DCAF1: variants seen among roughly 807,000 people sequenced by gnomAD.
DCAF1 encodes the protein DDB1 and CUL4 associated factor 1.
Under a neutral mutation model 128.0 loss-of-function variants are expected in DCAF1, and 15 were observed. The ratio of observed to expected loss-of-function variants is 0.12; its 90% CI spans 0.08 to 0.18. The LOEUF (loss-of-function observed/expected upper bound fraction) is 0.18, where lower values mean the gene tolerates loss of function less well. Ranked by LOEUF, DCAF1 falls within the 10% of genes least tolerant of loss-of-function variation. The pLI, the probability that DCAF1 is intolerant of heterozygous loss-of-function variation, is 1.00. For synonymous variants in DCAF1, 610 were observed against 603.0 expected (o/e 1.01, Z -0.17); for missense variants, 988 against 1,649.5 (o/e 0.60, Z 6.95).
intron 18 of DCAF1, among the ~76,000 whole-genome samples, chr3:51,416,276 C>T (rs782254074): frequency 6.6e-6 from 1 of 152,190 alleles, no homozygotes; most frequent in Non-Finnish European, 1.5e-5. Context: ...TTTTCCCTTG[C>T]CATTTCCTGT....
At chr3:51,401,295 C>G (rs1263678382) in intron 24 of DCAF1, among the ~76,000 whole-genome samples, 1 of 152,152 alleles carries the variant, frequency 6.6e-6, no homozygotes, top group Non-Finnish European at 1.5e-5. Flanking sequence ...GGCTTTCACC[C>G]TATCCTAAAA....
chr3:51,459,777 C>CA (rs2107997538), intron 6 of DCAF1, among the ~76,000 whole-genome samples: 1 of 152,236 alleles, frequency 6.6e-6, no homozygotes, highest in South Asian at 2.1e-4. Context: ...AAATGTAATC[C>CA]AGCATATAAA....
At chr3:51,498,230 C>T (rs544158835) in intron 1 of DCAF1, among the ~76,000 whole-genome samples, 4 of 148,476 alleles carry the variant, frequency 2.7e-5, no homozygotes, top group African/African-American at 9.9e-5. Flanking sequence ...CGTGGTGGCG[C>T]GTGCCTGTAG....
At chr3:51,444,877 G>T (rs551706851) in intron 6 of DCAF1, among the ~76,000 whole-genome samples, 1 of 150,602 alleles carries the variant, frequency 6.6e-6, no homozygotes. Context: ...GGGTTTCACC[G>T]TGTTAGCCAG....
At chr3:51,401,567 T>G (rs1553624961) in intron 24 of DCAF1, among the ~76,000 whole-genome samples, 3 of 152,226 alleles carry the variant, frequency 2.0e-5, no homozygotes, top group African/African-American at 7.2e-5. Context: ...TTCTCACAAC[T>G]GATAGAGTTA....
At chr3:51,488,053 C>T (rs537156997) in intron 2 of DCAF1, among the ~76,000 whole-genome samples, 133 of 151,762 alleles carry the variant, frequency 8.8e-4, no homozygotes, top group Middle Eastern at 3.4e-3. Flanking sequence ...TTAGTAGAGA[C>T]GGGGTTTCAC....
At chr3:51,497,622 G>A (rs1708374346) in intron 1 of DCAF1, among the ~76,000 whole-genome samples, 1 of 152,120 alleles carries the variant, frequency 6.6e-6, no homozygotes, top group South Asian at 2.1e-4. Context: ...TAAATTGACA[G>A]GCACAGTGGC....
At chr3:51,455,092 C>A (rs1000988956) in intron 6 of DCAF1, among the ~76,000 whole-genome samples, 2 of 152,224 alleles carry the variant, frequency 1.3e-5, no homozygotes, top group East Asian at 1.9e-4. Context: ...TTTGTTTGCC[C>A]ACCCCCAAAC....
At chr3:51,453,191 T>C (rs1702529598) in intron 6 of DCAF1, among the ~76,000 whole-genome samples, 1 of 152,186 alleles carries the variant, frequency 6.6e-6, no homozygotes. Flanking sequence ...ATAAATGATA[T>C]TGCAAATTAT....
Position 51,418,889 on chromosome 3 carries a change from AAG to A in DCAF1, c.3237-15_3237-14del, listed in dbSNP as rs782555439. 153 of 1,594,024 alleles carry A rather than the reference AAG, an allele frequency of 9.6e-5. No homozygotes were observed. In the South Asian group the frequency reaches 1.4e-3, roughly 15 times the overall value. On this transcript the variant is annotated splice_polypyrimidine_tract_variant and intron_variant, in intron 15 of 24. Coordinates refer to ENST00000684031, the MANE Select transcript of DCAF1 (RefSeq NM_001387579.1). ...AATAGGACGGAATCTAAGCAAAAAA[AAG>A]AGAGAATCACAGGCAAAGAATGTGC...
chr3:51,440,586 G>A (rs1351586814), intron 9 of DCAF1, among the ~76,000 whole-genome samples: 1 of 152,188 alleles, frequency 6.6e-6, no homozygotes, highest in African/African-American at 2.4e-5. Context: ...CTGGGTGACA[G>A]AGTGAGACCT....
chr3:51,422,736 T>G (rs1214898891), intron 13 of DCAF1, among the ~76,000 whole-genome samples: 2 of 152,166 alleles, frequency 1.3e-5, no homozygotes, highest in Non-Finnish European at 2.9e-5. Context: ...CTCAAAGTTT[T>G]GGTGAGAGTA....
chr3:51,484,365 TG>T (rs1437734069), intron 2 of DCAF1, among the ~76,000 whole-genome samples: 2 of 151,632 alleles, frequency 1.3e-5, no homozygotes, highest in Admixed American at 6.6e-5. Context: ...CCCAGCTACT[TG>T]GGAGGCTGAG....
chr3:51,416,859 T>C lies in DCAF1; in HGVS notation c.3531A>G (p.Thr1177=), dbSNP rs782185311. ...TACTGAACTCAACATAGTGATCTTC[T>C]GTGAAGGAATGCCTATGGACAAACA... ...KSVFDMKHSF[T]EDHYVEFSKH... The change falls in exon 18 of 25, where the codon ACA becomes ACG. Residue 1177 remains threonine, a synonymous_variant. Transcript: ENST00000684031. The C allele has an allele frequency of 1.5e-5, 24 of 1,608,514 alleles. No individual in the cohort carries two copies. Among genetic ancestry groups the C allele is most frequent in the African/African-American group, 8.0e-5 (6 of 74,860 alleles).
At chr3:51,477,615 AAAC>A (rs1705637886) in intron 3 of DCAF1, among the ~76,000 whole-genome samples, 1 of 152,100 alleles carries the variant, frequency 6.6e-6, no homozygotes, top group South Asian at 2.1e-4. Flanking sequence ...GGGGAAAAAA[AAAC>A]AACACCGGAA....
At chr3:51,496,376 G>A (rs1203783334) in intron 2 of DCAF1, among the ~76,000 whole-genome samples, 3 of 152,080 alleles carry the variant, frequency 2.0e-5, no homozygotes, top group East Asian at 1.9e-4. Context: ...GCAGTGAGCC[G>A]AGATCGCGCC....
chr3:51,463,835 C>T (rs1703859268), intron 5 of DCAF1, among the ~76,000 whole-genome samples: 1 of 151,902 alleles, frequency 6.6e-6, no homozygotes, highest in Admixed American at 6.6e-5. Context: ...CACAAATAAA[C>T]CTATCCCCTT....
chr3:51,432,975 C>A (rs1700521557), intron 10 of DCAF1, 131 bp downstream of exon 10: 5 of 395,142 alleles, frequency 1.3e-5, no homozygotes, highest in South Asian at 1.4e-4. Context: ...TTTCATGTTC[C>A]TTGTTTCATT....
chr3:51,462,486 C>A (rs180721330), intron 6 of DCAF1, among the ~76,000 whole-genome samples: 8 of 152,214 alleles, frequency 5.3e-5, no homozygotes, highest in Admixed American at 5.2e-4. Flanking sequence ...TGGCTCACGC[C>A]TGTAATGCCA....
Sources: gnomAD v4.1 joint callset for allele counts (sites outside exome capture counted in the v4.1 genomes callset) on GRCh38, gnomAD v4.1.1 for gene constraint, MANE v1.5 for transcripts, NCBI Gene and HGNC (gene_info 2026-07-23, HGNC 2026-07-21) for gene names.